The following PRR16 variants were observed in gnomAD, a reference collection of about 807,000 sequenced individuals.
The protein encoded by PRR16 is proline rich 16.
PRR16 carries 6 observed loss-of-function variants against 18.2 expected under a neutral mutation model. The observed-to-expected ratio is 0.33, with a 90% CI of 0.18 to 0.65. The LOEUF is 0.65. Ranked by LOEUF, PRR16 falls within the 30% of genes least tolerant of loss-of-function variation. PRR16 has a pLI of 0.74. For synonymous variants in PRR16, 151 were observed against 147.8 expected (o/e 1.02, Z -0.16); for missense variants, 412 against 376.6 (o/e 1.09, Z -0.78).
chr5:120,670,691 C>G (rs938365426), intron 1 of PRR16, among the ~76,000 whole-genome samples: 1 of 152,128 alleles, frequency 6.6e-6, no homozygotes, highest in Admixed American at 6.6e-5. Context: ...CTTTATTAAA[C>G]CAAGGATAAT....
At position 120,617,266 on chromosome 5, in the gene PRR16, C is replaced by G. The variant is rs569361304; in HGVS notation, c.160-68688C>G. On this transcript the variant is annotated intron_variant, in intron 1 of 1. Transcript: ENST00000407149. ...CCAACATTTCTAAGAAACATGCAAA[C>G]CAATATATCATTTGTAATTCAAAAT... 4 of 657,932 alleles carry G rather than the reference C, an allele frequency of 6.1e-6. No individual in the cohort carries two copies. In the South Asian group the frequency reaches 2.7e-4, roughly 44 times the overall value. The allele number at this position is 657,932 out of a possible 1,614,324, so 40.8% of individuals were successfully genotyped here.
intron 1 of PRR16, among the ~76,000 whole-genome samples, chr5:120,510,381 A>G (rs1019883223): frequency 6.6e-6 from 1 of 152,212 alleles, no homozygotes; most frequent in Non-Finnish European, 1.5e-5. Context: ...GAGAATGGAT[A>G]TGTCTTGACA....
chr5:120,584,147 T>C (rs1051191245), intron 1 of PRR16, among the ~76,000 whole-genome samples: 2 of 152,148 alleles, frequency 1.3e-5, no homozygotes, highest in African/African-American at 2.4e-5. Flanking sequence ...CAGGGACTAA[T>C]TATATATTAC....
chr5:120,665,535 G>C (rs1400120423), intron 1 of PRR16, among the ~76,000 whole-genome samples: 2 of 152,128 alleles, frequency 1.3e-5, no homozygotes, highest in African/African-American at 4.8e-5. Flanking sequence ...CCTTGCCCAT[G>C]TCTATGTCCT....
Position 120,644,096 on chromosome 5 carries a change from G to C in PRR16, c.160-41858G>C, listed in dbSNP as rs181428835. Among the ~76,000 whole-genome samples, 308 of 152,112 alleles carry C rather than the reference G, an allele frequency of 2.0e-3. 2 individuals are homozygous for C. Among genetic ancestry groups the C allele is most frequent in the South Asian group, 6.2e-3 (30 of 4,824 alleles). On this transcript the variant is annotated intron_variant, in intron 1 of 1. Coordinates refer to ENST00000407149, the MANE Select transcript of PRR16 (RefSeq NM_001300783.2). ...GCTCAATGACTTGGGTTCTAAAACT[G>C]TTCCTTCTCTTACTAGCTGTGTGAG...
chr5:120,546,914 A>T (rs1486635925), intron 1 of PRR16, among the ~76,000 whole-genome samples: 1 of 152,068 alleles, frequency 6.6e-6, no homozygotes, highest in Non-Finnish European at 1.5e-5. Flanking sequence ...GAGTGGCAGT[A>T]TATGGGCTAT....
At chr5:120,734,905 G>A in the PRR16 span, among the ~76,000 whole-genome samples, 21 of 152,280 alleles carry the variant, frequency 1.4e-4, no homozygotes, top group African/African-American at 4.8e-4. Context: ...TTTGTTGGAT[G>A]AATGAATAAA....
intron 1 of PRR16, among the ~76,000 whole-genome samples, chr5:120,580,788 T>C (rs532885400): frequency 6.6e-6 from 1 of 152,240 alleles, no homozygotes; most frequent in South Asian, 2.1e-4. Flanking sequence ...TGAGATAATG[T>C]GGTTTGTTTT....
At chr5:120,738,722 G>A in the PRR16 span, among the ~76,000 whole-genome samples, 2 of 152,080 alleles carry the variant, frequency 1.3e-5, no homozygotes, top group Admixed American at 6.6e-5. Context: ...TTTGTGTACC[G>A]ACTTGATTGG....
the PRR16 span, among the ~76,000 whole-genome samples, chr5:120,786,187 C>A: frequency 6.7e-6 from 1 of 148,418 alleles, no homozygotes; most frequent in Non-Finnish European, 1.5e-5. Flanking sequence ...AATCTAAATT[C>A]CCAAATATTT....
the PRR16 span, among the ~76,000 whole-genome samples, chr5:120,761,041 A>G: frequency 6.6e-5 from 10 of 152,136 alleles, no homozygotes; most frequent in Admixed American, 6.6e-4. Flanking sequence ...TAATTTCTTA[A>G]TGGGATAAAA....
At chr5:120,465,278 G>C (rs1296169303) in intron 1 of PRR16, among the ~76,000 whole-genome samples, 1 of 152,174 alleles carries the variant, frequency 6.6e-6, no homozygotes, top group Non-Finnish European at 1.5e-5. Flanking sequence ...GCTCTCCTCC[G>C]AACGTCGTTA....
At chr5:120,717,887 TAGTG>T in the PRR16 span, among the ~76,000 whole-genome samples, 2 of 152,192 alleles carry the variant, frequency 1.3e-5, no homozygotes, top group Admixed American at 1.3e-4. Context: ...TAGAAATACT[TAGTG>T]AGGTTTGCTT....
chr5:120,769,038 A>G, the PRR16 span, among the ~76,000 whole-genome samples: 1 of 151,742 alleles, frequency 6.6e-6, no homozygotes, highest in South Asian at 2.1e-4. Context: ...ACAAAATAAT[A>G]AAATACTTCT....
the PRR16 span, among the ~76,000 whole-genome samples, chr5:120,703,650 T>G: frequency 2.6e-5 from 4 of 152,264 alleles, no homozygotes; most frequent in Admixed American, 6.5e-5. Context: ...CTTTGTCTAT[T>G]GCTTTTATTT....
At chr5:120,598,256 C>T (rs1316444952) in intron 1 of PRR16, among the ~76,000 whole-genome samples, 1 of 151,408 alleles carries the variant, frequency 6.6e-6, no homozygotes, top group Non-Finnish European at 1.5e-5. Context: ...TGTAGCAATC[C>T]TCTTTTTTAT....
chr5:120,669,809 T>C (rs552497030), intron 1 of PRR16, among the ~76,000 whole-genome samples: 1 of 152,074 alleles, frequency 6.6e-6, no homozygotes, highest in Non-Finnish European at 1.5e-5. Context: ...AATATGCTAA[T>C]TGATTTTTTA....
the PRR16 span, among the ~76,000 whole-genome samples, chr5:120,715,714 T>C: frequency 2.6e-5 from 4 of 152,154 alleles, no homozygotes; most frequent in South Asian, 2.1e-4. Flanking sequence ...TAAACTGGTA[T>C]TTTTCTTTTG....
At chr5:120,662,881 T>C (rs1188858014) in intron 1 of PRR16, among the ~76,000 whole-genome samples, 2 of 152,092 alleles carry the variant, frequency 1.3e-5, no homozygotes, top group Admixed American at 6.6e-5. Context: ...ATCAAGGAAT[T>C]TCTACTCTTT....
Sources: gnomAD v4.1 joint callset for allele counts (sites outside exome capture counted in the v4.1 genomes callset) on GRCh38, gnomAD v4.1.1 for gene constraint, MANE v1.5 for transcripts, NCBI Gene and HGNC (gene_info 2026-07-23, HGNC 2026-07-21) for gene names.